Variants in RALYL observed in about 807,000 individuals in gnomAD.
RALYL encodes the protein RNA-binding Raly-like protein.
A neutral mutation model predicts 35.1 loss-of-function variants in RALYL; 29 were observed. The observed-to-expected ratio is 0.83, with a 90% CI of 0.61 to 1.13. RALYL has a LOEUF of 1.13. RALYL is among the 50% of genes most tolerant of loss of function. The probability of loss-of-function intolerance (pLI) is 0.00; values close to 1 mark genes in which losing one functional copy is unlikely to be tolerated. For synonymous variants in RALYL, 120 were observed against 127.6 expected, an observed-to-expected ratio of 0.94 and a Z score of 0.40; for missense variants, 359 against 360.4, an observed-to-expected ratio of 1.00 and a Z score of 0.03.
intron 2 of RALYL, among the ~76,000 whole-genome samples, chr8:84,698,660 T>G (rs1221262567): frequency 2.6e-5 from 4 of 151,976 alleles, no homozygotes; most frequent in Non-Finnish European, 4.4e-5. Flanking sequence ...AACCAGATGC[T>G]CTAGTTCAGA....
chr8:84,628,525 T>C (rs1443556298), intron 2 of RALYL, among the ~76,000 whole-genome samples: 2 of 152,162 alleles, frequency 1.3e-5, no homozygotes, highest in African/African-American at 4.8e-5. Flanking sequence ...GAGTAGGTGA[T>C]TATTAATATT....
intron 1 of RALYL, among the ~76,000 whole-genome samples, chr8:84,522,433 T>C (rs2058532807): frequency 6.6e-6 from 1 of 151,804 alleles, no homozygotes; most frequent in Admixed American, 6.6e-5. Flanking sequence ...GTATTTTTAG[T>C]AGAGACGGGG....
At chr8:84,317,600 T>A (rs1843997982) in intron 1 of RALYL, among the ~76,000 whole-genome samples, 1 of 152,224 alleles carries the variant, frequency 6.6e-6, no homozygotes. Flanking sequence ...ACAGAGGGAA[T>A]GTGTTTGCCA....
At chr8:84,664,973 G>A (rs1360169077) in intron 2 of RALYL, among the ~76,000 whole-genome samples, 2 of 152,040 alleles carry the variant, frequency 1.3e-5, no homozygotes, top group Non-Finnish European at 2.9e-5. Context: ...TGTCATATAT[G>A]ACTCTTATTA....
chr8:84,876,483 A>AG (rs1841168308), intron 7 of RALYL, among the ~76,000 whole-genome samples: 1 of 152,230 alleles, frequency 6.6e-6, no homozygotes, highest in Non-Finnish European at 1.5e-5. Flanking sequence ...GCCGCATATA[A>AG]GTTGCCACAT....
At chr8:84,239,736 C>T (rs1827432546) in intron 1 of RALYL, among the ~76,000 whole-genome samples, 1 of 151,842 alleles carries the variant, frequency 6.6e-6, no homozygotes, top group East Asian at 1.9e-4. Context: ...ACTAAAAATA[C>T]AAAAATTAGC....
chr8:84,911,421 T>C (rs778321356), intron 8 of RALYL, among the ~76,000 whole-genome samples: 1 of 152,176 alleles, frequency 6.6e-6, no homozygotes. Flanking sequence ...TAATACTTTA[T>C]AAGTATGCAG....
At chr8:84,404,172 T>G (rs2043217410) in intron 1 of RALYL, among the ~76,000 whole-genome samples, 2 of 152,060 alleles carry the variant, frequency 1.3e-5, no homozygotes, top group South Asian at 4.1e-4. Flanking sequence ...TTTCTTTCTC[T>G]TGCCTGATTG....
Position 84,887,603 on chromosome 8 carries a change from G to A in RALYL, c.686-1G>A. On this transcript the variant is annotated splice_acceptor_variant, in intron 7 of 8. Coordinates refer to ENST00000521268, the MANE Select transcript of RALYL (RefSeq NM_173848.7). LOFTEE classifies it high-confidence loss of function. ...AGTCATTTGCTTTCTCCCCCCCCCA[G>A]AAGCTCAGAAGAAGCAATTGGAAGA... The A allele has an allele frequency of 1.9e-6, 3 of 1,599,792 alleles. No individual in the cohort carries two copies. Among genetic ancestry groups the A allele is most frequent in the Non-Finnish European group, 2.6e-6 (3 of 1,173,830 alleles).
At chr8:84,714,781 G>A (rs144611798) in intron 2 of RALYL, among the ~76,000 whole-genome samples, 139 of 151,776 alleles carry the variant, frequency 9.2e-4, no homozygotes, top group African/African-American at 3.1e-3. Flanking sequence ...ACCAGCTATT[G>A]CATAAGTGGG....
chr8:84,648,191 G>C (rs1218316576), intron 2 of RALYL, among the ~76,000 whole-genome samples: 1 of 152,022 alleles, frequency 6.6e-6, no homozygotes, highest in Non-Finnish European at 1.5e-5. Context: ...AAACATTCCA[G>C]TATATCACCT....
At chr8:84,507,040 A>G (rs963269312) in intron 1 of RALYL, among the ~76,000 whole-genome samples, 5 of 152,082 alleles carry the variant, frequency 3.3e-5, no homozygotes, top group Non-Finnish European at 7.4e-5. Context: ...AGTGCCTAGA[A>G]CTTACTATAA....
intron 1 of RALYL, among the ~76,000 whole-genome samples, chr8:84,258,130 G>A (rs937019507): frequency 6.6e-6 from 1 of 152,120 alleles, no homozygotes; most frequent in African/African-American, 2.4e-5. Context: ...TGTACGTAGT[G>A]TTGTTTATCA....
intron 2 of RALYL, among the ~76,000 whole-genome samples, chr8:84,710,418 C>T (rs189132956): frequency 4.7e-4 from 71 of 152,228 alleles, no homozygotes; most frequent in Admixed American, 4.4e-3. Context: ...TCTCCTTCCA[C>T]AGCCTCCTGA....
chr8:84,679,060 C>A, intron 2 of RALYL: 1 of 307,806 alleles, frequency 3.2e-6, no homozygotes, highest in Non-Finnish European at 6.5e-6. Context: ...GCAAATGCTC[C>A]AGGGTGAACA....
At chr8:84,297,255 A>T (rs1332096096) in intron 1 of RALYL, among the ~76,000 whole-genome samples, 4 of 151,812 alleles carry the variant, frequency 2.6e-5, no homozygotes, top group Admixed American at 2.6e-4. Flanking sequence ...CCTTCTTTGT[A>T]TCCATATGTA....
At chr8:84,303,045 G>T (rs1433723603) in intron 1 of RALYL, among the ~76,000 whole-genome samples, 2 of 152,148 alleles carry the variant, frequency 1.3e-5, no homozygotes, top group Non-Finnish European at 2.9e-5. Flanking sequence ...CCAATATGCT[G>T]TTGAGGTTAG....
chr8:84,304,638 A>G (rs898816811), intron 1 of RALYL, among the ~76,000 whole-genome samples: 3 of 152,176 alleles, frequency 2.0e-5, no homozygotes, highest in African/African-American at 7.2e-5. Flanking sequence ...CTAATGTTAT[A>G]CTTTCCTCAC....
chr8:84,386,168 T>G (rs1859152948), intron 1 of RALYL, among the ~76,000 whole-genome samples: 2 of 151,828 alleles, frequency 1.3e-5, no homozygotes, highest in African/African-American at 2.4e-5. Context: ...TTGCCAGAAG[T>G]CCAAACCTGT....
Sources: gnomAD v4.1 joint callset for allele counts (sites outside exome capture counted in the v4.1 genomes callset) on GRCh38, gnomAD v4.1.1 for gene constraint, MANE v1.5 for transcripts, NCBI Gene and HGNC (gene_info 2026-07-23, HGNC 2026-07-21) for gene names.